GABRR3: variants seen among roughly 807,000 people sequenced by gnomAD.
The protein encoded by GABRR3 is gamma-aminobutyric acid type A receptor subunit rho3.
Under a neutral mutation model 43.2 loss-of-function variants are expected in GABRR3, and 29 were observed. That is an observed-to-expected ratio of 0.67 (90% confidence interval 0.50 to 0.92). The LOEUF is 0.92. Among genes scored for constraint, GABRR3 ranks in the 40% least tolerant of loss-of-function variants. GABRR3 has a pLI of 0.00. For synonymous variants in GABRR3, 206 were observed against 195.9 expected (o/e 1.05, Z -0.43); for missense variants, 576 against 572.3 (o/e 1.01, Z -0.07).
At chr3:97,986,542 A>G (rs1008401946), downstream of GABRR3, 2 of 592,050 alleles carry the variant, frequency 3.4e-6, no homozygotes, top group African/African-American at 3.8e-5. Context: ...GATGTAAATC[A>G]GACAGCTTTC....
chr3:97,990,399 G>A (rs1706449070), intron 9 of GABRR3, among the ~76,000 whole-genome samples: 1 of 151,748 alleles, frequency 6.6e-6, no homozygotes, highest in African/African-American at 2.4e-5. Flanking sequence ...CTGGAGAGCA[G>A]TGGCAGTGGT....
At chr3:97,991,792 C>A (rs1185353899) in intron 9 of GABRR3, among the ~76,000 whole-genome samples, 1 of 152,078 alleles carries the variant, frequency 6.6e-6, no homozygotes, top group African/African-American at 2.4e-5. Context: ...GTATGAGATG[C>A]TCTCAGAAGT....
intron 2 of GABRR3, 56 bp from the exon 3 acceptor site, chr3:98,025,735 T>C (rs764810862): frequency 8.7e-7 from 1 of 1,154,526 alleles, no homozygotes; most frequent in Non-Finnish European, 1.3e-6. Context: ...TCTGGATATT[T>C]TGATTTAGGT....
At chr3:98,017,265 C>T (rs955803506) in intron 4 of GABRR3, among the ~76,000 whole-genome samples, 5 of 152,088 alleles carry the variant, frequency 3.3e-5, no homozygotes, top group Non-Finnish European at 7.4e-5. Context: ...GAAAGCAGTC[C>T]ATCAATGCTG....
intron 1 of GABRR3, 59 bp from the exon 2 acceptor site, chr3:98,035,048 G>A: frequency 6.4e-7 from 1 of 1,552,790 alleles, no homozygotes; most frequent in East Asian, 2.3e-5. Flanking sequence ...TGTGATCACA[G>A]TTTCTTCTTC....
intron 9 of GABRR3, 24 bp from the exon 10 acceptor site, chr3:97,987,006 G>T (rs1706396910): frequency 1.4e-6 from 2 of 1,464,118 alleles, no homozygotes; most frequent in Non-Finnish European, 1.8e-6. Context: ...TTTTTTTAAA[G>T]TAGGTCTTGA....
intron 7 of GABRR3, among the ~76,000 whole-genome samples, chr3:98,005,210 A>AACAC (rs60490447): frequency 0.083 from 12,338 of 147,888 alleles, 590 homozygotes; most frequent in East Asian, 0.15. Context: ...CTAGGCTTTT[A>AACAC]ACACACACAC....
downstream of GABRR3, among the ~76,000 whole-genome samples, chr3:97,986,345 T>C (rs1298806092): frequency 1.3e-5 from 2 of 152,170 alleles, no homozygotes; most frequent in African/African-American, 4.8e-5. Context: ...CAAAATATCT[T>C]TGAATTATTG....
intron 2 of GABRR3, among the ~76,000 whole-genome samples, chr3:98,031,613 C>T (rs1707087317): frequency 6.6e-6 from 1 of 151,918 alleles, no homozygotes; most frequent in Non-Finnish European, 1.5e-5. Context: ...TGTAGTGGCA[C>T]ACGCCTGTTG....
At chr3:98,021,955 C>T (rs375721949) in intron 3 of GABRR3, among the ~76,000 whole-genome samples, 13 of 152,250 alleles carry the variant, frequency 8.5e-5, no homozygotes, top group African/African-American at 2.4e-4. Flanking sequence ...CCTCTTGACA[C>T]GAGGGAGTGC....
At chr3:98,013,423 C>T (rs567012114) in intron 4 of GABRR3, among the ~76,000 whole-genome samples, 193 of 152,284 alleles carry the variant, frequency 1.3e-3, no homozygotes, top group African/African-American at 4.4e-3. Flanking sequence ...GAAACTCCCC[C>T]AGCTTCATCC....
intron 7 of GABRR3, among the ~76,000 whole-genome samples, chr3:98,002,260 T>C (rs907696022): frequency 1.3e-5 from 2 of 152,176 alleles, no homozygotes; most frequent in African/African-American, 4.8e-5. Flanking sequence ...GAAAACAGCA[T>C]CCATAAGCTA....
chr3:98,032,840 C>T (rs1707106954), intron 2 of GABRR3, among the ~76,000 whole-genome samples: 1 of 152,128 alleles, frequency 6.6e-6, no homozygotes, highest in African/African-American at 2.4e-5. Context: ...CATGTTCACT[C>T]TATTAGTTCT....
At chr3:98,030,310 G>A (rs776403088) in intron 2 of GABRR3, among the ~76,000 whole-genome samples, 4 of 152,048 alleles carry the variant, frequency 2.6e-5, no homozygotes, top group Admixed American at 6.6e-5. Flanking sequence ...ATTTATTGCT[G>A]TTACTTATAA....
At chr3:98,032,707 G>T (rs1342002863) in intron 2 of GABRR3, among the ~76,000 whole-genome samples, 5 of 152,070 alleles carry the variant, frequency 3.3e-5, no homozygotes, top group African/African-American at 1.2e-4. Flanking sequence ...TAAAAAGTGA[G>T]GTTATATTCT....
intron 7 of GABRR3, among the ~76,000 whole-genome samples, chr3:98,006,785 C>A (rs182357124): frequency 7.2e-5 from 11 of 152,250 alleles, no homozygotes; most frequent in Non-Finnish European, 2.9e-5. Context: ...GTGAGGAGGG[C>A]AGAGGGGAAC....
rs748313964 is a variant in GABRR3 at position 98,025,561 on chromosome 3, A to G, written c.238+6T>C. 4 of 1,584,480 alleles carry G rather than the reference A, an allele frequency of 2.5e-6. No homozygotes were observed. The African/African-American group carries it at 5.4e-5, about 21-fold the overall frequency. ...TTGAAATGAATTTTGAGAGGATAAT[A>G]CTCACCTCCAAATCCAGGTCTCATT... On this transcript the variant is annotated splice_donor_region_variant and intron_variant, in intron 3 of 9. Transcript: ENST00000621172.
At chr3:98,012,488 A>G (rs764239779) in exon 5 of GABRR3, 1 of 1,613,974 alleles carries the variant, frequency 6.2e-7, no homozygotes, top group Non-Finnish European at 8.5e-7. Flanking sequence ...ATCAAATGTC[A>G]TGCTTTTGTT....
At chr3:98,003,694 T>A (rs1460096018) in intron 7 of GABRR3, among the ~76,000 whole-genome samples, 1 of 152,164 alleles carries the variant, frequency 6.6e-6, no homozygotes. Flanking sequence ...AGCAAGTTAA[T>A]AAAAAGCCTA....
Sources: gnomAD v4.1 joint callset for allele counts (sites outside exome capture counted in the v4.1 genomes callset) on GRCh38, gnomAD v4.1.1 for gene constraint, MANE v1.5 for transcripts, NCBI Gene and HGNC (gene_info 2026-07-23, HGNC 2026-07-21) for gene names.